WSB2: variants seen among roughly 807,000 people sequenced by gnomAD.
WSB2 encodes the protein WD repeat and SOCS box containing 2, also known as WD repeat and SOCS box-containing protein 2.
WSB2 carries 12 observed loss-of-function variants against 48.8 expected under a neutral mutation model. That is an observed-to-expected ratio of 0.25 (90% CI 0.16 to 0.40). WSB2 has a LOEUF of 0.40. Ranked by LOEUF, WSB2 falls within the 10% of genes least tolerant of loss-of-function variation. WSB2 has a pLI of 1.00. For missense variants in WSB2, 317 were observed against 506.2 expected (o/e 0.63, Z 3.59); for synonymous variants, 191 against 203.1 (o/e 0.94, Z 0.51).
chr12:118,036,443 A>G lies in WSB2; in HGVS notation c.728T>C (p.Val243Ala), dbSNP rs1391188142. ...AGAGTCGGGGGAGAAGTCACAAGAGACAACACTGCTTTGATGGCCCTCTAG... is the reference window on the plus strand; with the variant it reads ...AGAGTCGGGGGAGAAGTCACAAGAGGCAACACTGCTTTGATGGCCCTCTAG... ...RKLEGHQSSV[V>A]SCDFSPDSAL... Residue 243 changes from valine to alanine, a missense_variant, in exon 6 of 9, where the codon GTC (valine) becomes GCC (alanine). By Grantham distance (64) the Val-to-Ala change is moderately conservative. Transcript: ENST00000315436. 1.5e-5 allele frequency: 24 copies of G among 1,614,196 alleles called. No individual in the cohort carries two copies. Among genetic ancestry groups the G allele is most frequent in the Non-Finnish European group, 2.0e-5 (24 of 1,180,036 alleles).
chr12:118,061,526 CG>C (rs1238149181), upstream of WSB2, among the ~76,000 whole-genome samples: 1 of 149,974 alleles, frequency 6.7e-6, no homozygotes, highest in Admixed American at 6.7e-5. Context: ...TGAGGGAAAC[CG>C]GGAAAAGGGG....
rs748354611 is a variant in WSB2, at chr12:118,055,607, C to CTTTT, written c.14-3133_14-3130dup. Reference sequence around the variant, plus strand: ...ATTGGTTCACTTCCTCTACATTATCCTTTTTTTTTTTTTTTTTTTTTTTTT... The same window carrying CTTTT: ...ATTGGTTCACTTCCTCTACATTATCCTTTTTTTTTTTTTTTTTTTTTTTTTTTTT... On this transcript the variant is annotated intron_variant, in intron 1 of 8. Coordinates refer to ENST00000315436, the MANE Select transcript of WSB2 (RefSeq NM_018639.5). Among the ~76,000 whole-genome samples the CTTTT allele has an allele frequency of 7.0e-3, 568 of 81,722 alleles. 31 individuals are homozygous for CTTTT. The highest frequency in any genetic ancestry group is 0.017 in the African/African-American group (327 of 18,756). The allele number at this position is 81,722 out of a possible 152,430, so 53.6% of individuals were successfully genotyped here.
intron 2 of WSB2, among the ~76,000 whole-genome samples, chr12:118,050,791 C>T (rs564181159): frequency 2.0e-5 from 3 of 152,288 alleles, no homozygotes; most frequent in Admixed American, 6.5e-5. Context: ...GTGGCTCACA[C>T]CTGTAATCCC....
chr12:118,036,238 C>A, intron 6 of WSB2, 100 bp downstream of exon 6: 1 of 1,375,740 alleles, frequency 7.3e-7, no homozygotes, highest in Admixed American at 2.1e-5. Context: ...CCAGCTTGTC[C>A]CCTCCCATGT....
chr12:118,039,928 T>C (rs2031594199), intron 4 of WSB2, among the ~76,000 whole-genome samples: 1 of 151,990 alleles, frequency 6.6e-6, no homozygotes, highest in African/African-American at 2.4e-5. Context: ...ATATTTTTAG[T>C]AGAGCCGGAG....
upstream of WSB2, chr12:118,061,300 G>A (rs536701756): frequency 1.5e-6 from 1 of 645,780 alleles, no homozygotes; most frequent in East Asian, 1.4e-4. Flanking sequence ...ATGGAAAATC[G>A]GGGAGGCGGT....
intron 2 of WSB2, among the ~76,000 whole-genome samples, chr12:118,043,967 C>T (rs529170480): frequency 6.7e-6 from 1 of 150,088 alleles, no homozygotes; most frequent in South Asian, 2.1e-4. Flanking sequence ...AAAAAAAAAA[C>T]AATTCGCCGG....
Position 118,036,492 on chromosome 12 carries a change from T to C in WSB2, c.679A>G (p.Arg227Gly). The C allele has an allele frequency of 6.2e-7, 1 of 1,613,174 alleles. No homozygotes were observed. Among genetic ancestry groups the C allele is most frequent in the Non-Finnish European group, 8.5e-7 (1 of 1,179,390 alleles). The part of the protein sequence containing the change: ...GEKSVFLWSM[R>G]SYTLIRKLEG... Reference sequence around the variant, plus strand: ...AGCTTCCGAATTAACGTGTAGGACCTCATGCTCCATAGAAAGACCTGTGGA... The same window carrying C: ...AGCTTCCGAATTAACGTGTAGGACCCCATGCTCCATAGAAAGACCTGTGGA... Residue 227 changes from arginine (R) to glycine (G), a missense_variant, in exon 6 of 9, where the codon AGG becomes GGG. By Grantham distance (125) the Arg-to-Gly change is moderately radical (BLOSUM62 -2). Coordinates refer to ENST00000315436, the MANE Select transcript of WSB2 (RefSeq NM_018639.5).
At chr12:118,056,949 G>C (rs1343721113) in intron 1 of WSB2, among the ~76,000 whole-genome samples, 2 of 152,094 alleles carry the variant, frequency 1.3e-5, no homozygotes, top group Admixed American at 1.3e-4. Flanking sequence ...TGATGCTTAT[G>C]CCAAACATTT....
intron 5 of WSB2, among the ~76,000 whole-genome samples, chr12:118,037,268 G>A (rs1486603194): frequency 6.6e-6 from 1 of 152,212 alleles, no homozygotes; most frequent in Admixed American, 6.5e-5. Context: ...CCCCCACCTT[G>A]TGTATGGAAC....
At chr12:118,047,096 A>C (rs535846438) in intron 2 of WSB2, among the ~76,000 whole-genome samples, 131 of 152,272 alleles carry the variant, frequency 8.6e-4, no homozygotes, top group African/African-American at 2.9e-3. Context: ...TGAATTAAGG[A>C]ATACACCTGT....
chr12:118,038,804 C>T (rs2031568243), intron 4 of WSB2, among the ~76,000 whole-genome samples: 1 of 152,156 alleles, frequency 6.6e-6, no homozygotes, highest in Admixed American at 6.5e-5. Context: ...CCTCAGCCTC[C>T]TGAGTAGCTG....
At position 118,043,141 on chromosome 12, in the gene WSB2, A is replaced by G. The variant is rs2031674407; in HGVS notation, c.419T>C (p.Val140Ala). 1 of 1,613,950 alleles carries G rather than the reference A, an allele frequency of 6.2e-7. No individual in the cohort carries two copies. Among genetic ancestry groups the G allele is most frequent in the Non-Finnish European group, 8.5e-7 (1 of 1,180,018 alleles). ...LNDGQIKIWE[V>A]QTGLLLLNLS... is the part of the protein sequence containing the mutation. Reference sequence around the variant, plus strand: ...AGCCAGGAATGACCTACCTGTCTGCACCTCCCAGATCTTGATCTGCCCATC... The same window carrying G: ...AGCCAGGAATGACCTACCTGTCTGCGCCTCCCAGATCTTGATCTGCCCATC... The change falls in exon 3 of 9, where the codon GTG becomes GCG. Residue 140 changes from valine to alanine, a missense_variant. Coordinates refer to ENST00000315436, the MANE Select transcript of WSB2 (RefSeq NM_018639.5).
intron 2 of WSB2, among the ~76,000 whole-genome samples, chr12:118,046,705 C>T (rs1032826141): frequency 2.0e-5 from 3 of 152,162 alleles, no homozygotes; most frequent in African/African-American, 7.2e-5. Context: ...AGGTTTAAGA[C>T]AGCTTGGAAC....
In WSB2 at chr12:118,042,823, T is replaced by C. The variant is rs2031665290; in HGVS notation, c.559+18A>G. On this transcript the variant is annotated intron_variant, in intron 4 of 8. Coordinates refer to ENST00000315436, the MANE Select transcript of WSB2 (RefSeq NM_018639.5). ...CAGTATTTTTGGAGTTGCCGAGTAGTTCCTTCACTTCCCATACCGTGTTTA... is the reference window on the plus strand; with the variant it reads ...CAGTATTTTTGGAGTTGCCGAGTAGCTCCTTCACTTCCCATACCGTGTTTA... 6.2e-7 allele frequency: 1 copy of C among 1,611,088 alleles called. No homozygotes were observed. The highest frequency in any genetic ancestry group is 8.5e-7 in the Non-Finnish European group (1 of 1,178,422).
intron 2 of WSB2, among the ~76,000 whole-genome samples, chr12:118,045,066 G>A (rs1415161353): frequency 6.6e-6 from 1 of 152,132 alleles, no homozygotes; most frequent in Non-Finnish European, 1.5e-5. Context: ...TGTCAATTGT[G>A]TGGTGAAATA....
Position 118,032,724 on chromosome 12 carries a change from G to A in WSB2, c.*1472C>T, listed in dbSNP as rs947132491. On this transcript the variant is annotated 3_prime_UTR_variant, in exon 9 of 9. Transcript: ENST00000315436. ...TTTATTTATTTATTTTTTAAATAAA[G>A]ATTGGGTCTTATCTCACTCTGTTGC... 5.3e-5 allele frequency: 8 copies of A among 152,152 alleles called. No individual in the cohort carries two copies. Among genetic ancestry groups the A allele is most frequent in the African/African-American group, 1.9e-4 (8 of 41,498 alleles). The allele number at this position is 152,152 out of a possible 1,614,324, so 9.4% of individuals were successfully genotyped here. A position where few individuals can be genotyped will look rare whatever the true frequency, so the allele number is the denominator to read the frequency against.
At position 118,060,087 on chromosome 12, in the gene WSB2, CT is replaced by C. The variant is rs2137804549; in HGVS notation, c.13+948del. ...TTCTCCTAAGGAAATTACATTTAAACTCGGGTCCTTCAAGACCTGGGACTCC... is the reference window on the plus strand; with the variant it reads ...TTCTCCTAAGGAAATTACATTTAAACCGGGTCCTTCAAGACCTGGGACTCC... On this transcript the variant is annotated intron_variant, in intron 1 of 8. Transcript: ENST00000315436. The surrounding 1 kb of genome is among the most constrained non-coding windows in gnomAD (Gnocchi z 4.1). 6.6e-6 allele frequency among the ~76,000 whole-genome samples: 1 copy of C among 152,272 alleles called. No individual in the cohort carries two copies. The highest frequency in any genetic ancestry group is 2.1e-4 in the South Asian group (1 of 4,828).
rs2031437424 is a variant in WSB2, at chr12:118,033,889, G to C, written c.*307C>G. On this transcript the variant is annotated 3_prime_UTR_variant, in exon 9 of 9. Transcript: ENST00000315436. ...TAGTTGCATAATCAAAACAACATCA[G>C]TAACTGCACTTTGAATCAAAACAAG... 5.8e-6 allele frequency: 2 copies of C among 344,564 alleles called. No individual in the cohort carries two copies. The highest frequency in any genetic ancestry group is 8.0e-5 in the Admixed American group (2 of 24,892). The allele number at this position is 344,564 out of a possible 1,614,324, so 21.3% of individuals were successfully genotyped here.
Sources: gnomAD v4.1 joint callset for allele counts (sites outside exome capture counted in the v4.1 genomes callset) on GRCh38, gnomAD v4.1.1 for gene constraint, Gnocchi (gnomAD v3.1) non-coding constraint, MANE v1.5 for transcripts, NCBI Gene and HGNC (gene_info 2026-07-23, HGNC 2026-07-21) for gene names.